NRG2: variants seen among roughly 807,000 people sequenced by gnomAD.
NRG2 encodes pro-neuregulin-2, membrane-bound isoform.
A neutral mutation model predicts 73.9 loss-of-function variants in NRG2; 27 were observed. The ratio of observed to expected loss-of-function variants is 0.37; its 90% CI spans 0.27 to 0.50. NRG2 has a LOEUF of 0.50. NRG2 is among the 20% of genes least tolerant of loss of function. NRG2 has a pLI of 0.96. For synonymous variants in NRG2, 532 were observed against 541.0 expected (o/e 0.98, Z 0.23); for missense variants, 1,126 against 1,210.1 (o/e 0.93, Z 1.03).
At chr5:139,873,389 GC>G (rs1437799199) in intron 3 of NRG2, among the ~76,000 whole-genome samples, 4 of 152,210 alleles carry the variant, frequency 2.6e-5, no homozygotes, top group African/African-American at 9.6e-5. Flanking sequence ...GAGAAGAGAA[GC>G]AGCTGAGGTA....
intron 3 of NRG2, among the ~76,000 whole-genome samples, chr5:139,873,176 C>T (rs1330288469): frequency 1.3e-5 from 2 of 152,154 alleles, no homozygotes; most frequent in Admixed American, 6.5e-5. Flanking sequence ...TAAAATCCAG[C>T]GGGCAGGGCC....
In NRG2 at chr5:139,894,642, C is replaced by T. The variant is rs894603279; in HGVS notation, c.701-7131G>A. 1.3e-5 allele frequency among the ~76,000 whole-genome samples: 2 copies of T among 152,134 alleles called. No individual in the cohort carries two copies. The highest frequency in any genetic ancestry group is 2.9e-5 in the Non-Finnish European group (2 of 67,990). On this transcript the variant is annotated intron_variant, in intron 1 of 9. Transcript: ENST00000361474. This position sits in a 1 kb window ranked among gnomAD's most constrained non-coding sequence, Gnocchi z 5.0. ...CCCTGAGCCACATTTCCTCAGTCACCTAAGCCCAGCCCAATGCCTGGGCTT... is the reference window on the plus strand; with the variant it reads ...CCCTGAGCCACATTTCCTCAGTCACTTAAGCCCAGCCCAATGCCTGGGCTT...
intron 9 of NRG2, 63 bp from the exon 10 acceptor site, chr5:139,848,760 T>C: frequency 6.8e-5 from 3 of 44,172 alleles, no homozygotes; most frequent in Admixed American, 4.0e-4. Flanking sequence ...GAGGGGGGGT[T>C]GGGGGTGGGG....
At chr5:139,880,833 TC>T in intron 3 of NRG2, 22 bp downstream of exon 3, 1 of 1,600,202 alleles carries the variant, frequency 6.2e-7, no homozygotes, top group Non-Finnish European at 8.6e-7. Flanking sequence ...CTAGGACCCT[TC>T]CCTCTGTCTG....
intron 1 of NRG2, among the ~76,000 whole-genome samples, chr5:139,997,855 T>C (rs920656536): frequency 6.6e-6 from 1 of 152,188 alleles, no homozygotes; most frequent in Admixed American, 6.5e-5. Context: ...CCATGGAGCC[T>C]GGAACTAAGA....
intron 3 of NRG2, among the ~76,000 whole-genome samples, chr5:139,880,304 T>G (rs1763443173): frequency 6.6e-6 from 1 of 152,008 alleles, no homozygotes; most frequent in African/African-American, 2.4e-5. Flanking sequence ...GACGAGAAGG[T>G]AAGAGGTGCC....
intron 5 of NRG2, chr5:139,859,979 C>A: frequency 1.3e-6 from 2 of 1,500,304 alleles, no homozygotes; most frequent in Admixed American, 1.7e-5. Context: ...TGGGTGGGGA[C>A]AGGGGGAGAG....
chr5:139,958,642 C>T (rs1009634631), intron 1 of NRG2, among the ~76,000 whole-genome samples: 1 of 151,852 alleles, frequency 6.6e-6, no homozygotes. Flanking sequence ...GAAAAAATGA[C>T]CAAATAAAAA....
rs544749878 is a variant in NRG2, at chr5:139,876,780, A to G, written c.991+4076T>C. Among the ~76,000 whole-genome samples the G allele has an allele frequency of 1.4e-3, 217 of 152,216 alleles. 1 individual carries two copies. Among genetic ancestry groups the G allele is most frequent in the African/African-American group, 5.0e-3 (207 of 41,548 alleles). On this transcript the variant is annotated intron_variant, in intron 3 of 9. Transcript: ENST00000361474. ...GCCTACCTTCCTCTCAGTTTGTTAG[A>G]AAAGGCAGACCTTTTAGAGTTCGGG...
At chr5:140,023,681 C>T (rs1003925678) in intron 1 of NRG2, among the ~76,000 whole-genome samples, 1 of 152,108 alleles carries the variant, frequency 6.6e-6, no homozygotes, top group South Asian at 2.1e-4. Context: ...TTTGAACTTG[C>T]CTCTTACTTC....
intron 4 of NRG2, among the ~76,000 whole-genome samples, chr5:139,867,778 G>A (rs1341969449): frequency 1.6e-5 from 2 of 127,684 alleles, no homozygotes; most frequent in African/African-American, 8.6e-5. Context: ...GTGTGTGTGT[G>A]TGTGTGTGTG....
intron 1 of NRG2, among the ~76,000 whole-genome samples, chr5:140,010,204 A>G (rs1232378932): frequency 1.3e-5 from 2 of 152,204 alleles, no homozygotes; most frequent in African/African-American, 4.8e-5. Flanking sequence ...AAACTGAGAC[A>G]TGAGAATTGC....
chr5:140,017,023 A>G (rs183821), intron 1 of NRG2, among the ~76,000 whole-genome samples: 2,306 of 152,342 alleles, frequency 0.015, 49 homozygotes, highest in African/African-American at 0.053. Flanking sequence ...TTGGGTTTTT[A>G]AAAGCTCACT....
At chr5:140,001,473 A>G (rs1758469277) in intron 1 of NRG2, among the ~76,000 whole-genome samples, 1 of 152,204 alleles carries the variant, frequency 6.6e-6, no homozygotes, top group African/African-American at 2.4e-5. Context: ...CTCAGGAAGC[A>G]ATTGATAAAT....
intron 3 of NRG2, among the ~76,000 whole-genome samples, chr5:139,874,083 A>G (rs3777103): frequency 0.062 from 9,416 of 152,276 alleles, 770 homozygotes; most frequent in African/African-American, 0.19. Context: ...GGGCCTTCCC[A>G]AGATACTGCA....
chr5:139,873,002 GTC>G (rs993370403), intron 3 of NRG2, among the ~76,000 whole-genome samples: 21 of 152,124 alleles, frequency 1.4e-4, no homozygotes, highest in African/African-American at 4.8e-4. Flanking sequence ...GGGGTACTGG[GTC>G]TCTCCACTCC....
intron 3 of NRG2, among the ~76,000 whole-genome samples, chr5:139,874,053 G>C (rs1453483335): frequency 1.3e-5 from 2 of 151,920 alleles, no homozygotes; most frequent in African/African-American, 2.4e-5. Context: ...TCTCAGAAAG[G>C]CCACTCCTCT....
At chr5:139,943,010 T>A (rs1753517272) in intron 1 of NRG2, among the ~76,000 whole-genome samples, 1 of 152,156 alleles carries the variant, frequency 6.6e-6, no homozygotes. Flanking sequence ...CTGGCTAGTT[T>A]TTGTATTTTT....
intron 4 of NRG2, among the ~76,000 whole-genome samples, 187 bp downstream of exon 4, chr5:139,871,534 C>A (rs1762848966): frequency 6.6e-6 from 1 of 152,080 alleles, no homozygotes; most frequent in South Asian, 2.1e-4. Flanking sequence ...AGCCCCTGTG[C>A]CCCTTAGAGC....
Sources: gnomAD v4.1 joint callset for allele counts (sites outside exome capture counted in the v4.1 genomes callset) on GRCh38, gnomAD v4.1.1 for gene constraint, Gnocchi (gnomAD v3.1) non-coding constraint, MANE v1.5 for transcripts, NCBI Gene and HGNC (gene_info 2026-07-23, HGNC 2026-07-21) for gene names.